The following USP54 variants were observed in gnomAD, a reference collection of about 807,000 sequenced individuals.
USP54 encodes ubiquitin carboxyl-terminal hydrolase 54.
USP54 carries 87 observed loss-of-function variants against 170.5 expected under a neutral mutation model. The ratio of observed to expected loss-of-function variants is 0.51; its 90% CI spans 0.43 to 0.61. The LOEUF is 0.61. Among genes scored for constraint, USP54 ranks in the 20% least tolerant of loss-of-function variants. The pLI is 0.00. For synonymous variants in USP54, 655 were observed against 742.8 expected, an observed-to-expected ratio of 0.88 and a Z score of 1.92; for missense variants, 1,786 against 2,047.8, an observed-to-expected ratio of 0.87 and a Z score of 2.47.
Position 73,571,905 on chromosome 10 carries a change from A to G in USP54, c.148-392T>C, listed in dbSNP as rs559670447. ...TGTGAACTGTAGAAATGTGAGCTGT[A>G]GTGTGGAATTTTATCTTTGTTAGGA... is the stretch of plus-strand genomic sequence containing the variant. On this transcript the variant is annotated intron_variant, in intron 3 of 23. Transcript: ENST00000687698. 2.0e-5 allele frequency among the ~76,000 whole-genome samples: 3 copies of G among 152,356 alleles called. No individual in the cohort carries two copies. In the South Asian group the frequency reaches 6.2e-4, roughly 32 times the overall value.
intron 20 of USP54, among the ~76,000 whole-genome samples, chr10:73,513,639 G>A (rs1487353670): frequency 1.3e-5 from 2 of 152,094 alleles, no homozygotes; most frequent in African/African-American, 2.4e-5. Context: ...TACATATAGT[G>A]TAAAGGATAC....
chr10:73,565,111 T>C (rs1446600784), intron 4 of USP54, among the ~76,000 whole-genome samples: 2 of 151,906 alleles, frequency 1.3e-5, no homozygotes, highest in Non-Finnish European at 2.9e-5. Context: ...GTAGCTTTGG[T>C]ACCTAAGTGA....
At chr10:73,571,799 C>A (rs541454660) in intron 3 of USP54, among the ~76,000 whole-genome samples, 2 of 151,974 alleles carry the variant, frequency 1.3e-5, no homozygotes, top group African/African-American at 2.4e-5. Context: ...AGGAAATTTA[C>A]GGGTTAAAGC....
intron 1 of USP54, among the ~76,000 whole-genome samples, chr10:73,601,459 A>G (rs571853186): frequency 1.3e-5 from 2 of 151,998 alleles, no homozygotes; most frequent in South Asian, 4.2e-4. Flanking sequence ...GTCACCTTCA[A>G]CCTGATACTC....
intron 15 of USP54, among the ~76,000 whole-genome samples, chr10:73,528,576 T>C (rs2063397207): frequency 6.6e-6 from 1 of 151,678 alleles, no homozygotes; most frequent in South Asian, 2.1e-4. Context: ...TTGTTTCTTT[T>C]TTTTTTTTTT....
intron 1 of USP54, chr10:73,624,398 G>A (rs950071232): frequency 2.2e-5 from 3 of 136,728 alleles, no homozygotes; most frequent in Non-Finnish European, 3.2e-5. Context: ...CGGGGGGGGG[G>A]GGTTTCACCA....
chr10:73,622,613 C>T (rs1290530876), intron 1 of USP54, among the ~76,000 whole-genome samples: 3 of 152,000 alleles, frequency 2.0e-5, no homozygotes, highest in Non-Finnish European at 4.4e-5. Flanking sequence ...CCTGAGCTAC[C>T]GTGCCTGGTC....
intron 4 of USP54, among the ~76,000 whole-genome samples, chr10:73,560,105 C>A (rs1346668148): frequency 6.6e-6 from 1 of 151,894 alleles, no homozygotes; most frequent in African/African-American, 2.4e-5. Context: ...TCTTATTAGC[C>A]TCATCAAACA....
intron 1 of USP54, among the ~76,000 whole-genome samples, chr10:73,600,910 A>G (rs2079119309): frequency 6.6e-6 from 1 of 152,146 alleles, no homozygotes. Context: ...GTGAAACTCT[A>G]TCTCAAAAAA....
intron 1 of USP54, among the ~76,000 whole-genome samples, chr10:73,583,437 C>A (rs192845169): frequency 1.3e-5 from 2 of 152,180 alleles, no homozygotes; most frequent in Non-Finnish European, 2.9e-5. Flanking sequence ...AGGCGCCTGC[C>A]ACCACGCCCA....
chr10:73,557,935 T>A (rs914697461), intron 4 of USP54, among the ~76,000 whole-genome samples: 36 of 138,828 alleles, frequency 2.6e-4, no homozygotes, highest in African/African-American at 9.5e-4. Flanking sequence ...CAGGCTGGAG[T>A]GCAGTGGCTC....
At chr10:73,552,200 A>G (rs1355872844) in intron 4 of USP54, among the ~76,000 whole-genome samples, 2 of 152,156 alleles carry the variant, frequency 1.3e-5, no homozygotes, top group African/African-American at 4.8e-5. Context: ...AGAGAGTTTA[A>G]TAATAGCATT....
intron 15 of USP54, among the ~76,000 whole-genome samples, chr10:73,527,571 T>C (rs2133373711): frequency 6.8e-6 from 1 of 148,074 alleles, no homozygotes; most frequent in African/African-American, 2.5e-5. Context: ...TGTATGGAGA[T>C]TTGAAAGTTA....
chr10:73,617,328 T>C (rs2132340548), intron 1 of USP54, among the ~76,000 whole-genome samples: 1 of 149,504 alleles, frequency 6.7e-6, no homozygotes, highest in South Asian at 2.1e-4. Flanking sequence ...CGGTGGCGCA[T>C]GCCTGTAATC....
chr10:73,584,607 G>A (rs75827860), intron 1 of USP54, among the ~76,000 whole-genome samples: 7 of 151,744 alleles, frequency 4.6e-5, no homozygotes, highest in East Asian at 1.9e-4. Flanking sequence ...AAATGATAGC[G>A]GTCTTGTTAG....
At chr10:73,607,676 C>CA (rs1224866881) in intron 1 of USP54, among the ~76,000 whole-genome samples, 3 of 151,442 alleles carry the variant, frequency 2.0e-5, no homozygotes, top group African/African-American at 7.3e-5. Context: ...ACTAAAAACG[C>CA]AAAAAATTTC....
chr10:73,542,737 A>C, intron 7 of USP54, 66 bp downstream of exon 7: 1 of 1,536,972 alleles, frequency 6.5e-7, no homozygotes, highest in Admixed American at 1.9e-5. Flanking sequence ...TCTCAAAAAA[A>C]AAAAAAAAAG....
At chr10:73,577,508 T>C (rs889317176) in intron 1 of USP54, among the ~76,000 whole-genome samples, 1 of 152,110 alleles carries the variant, frequency 6.6e-6, no homozygotes. Context: ...TCCGTCATAA[T>C]ATGACTACAT....
chr10:73,563,594 C>T (rs549862472), intron 4 of USP54, among the ~76,000 whole-genome samples: 2 of 152,072 alleles, frequency 1.3e-5, no homozygotes, highest in South Asian at 2.1e-4. Flanking sequence ...TGCACCACCA[C>T]GCCCAGCTAA....
Sources: gnomAD v4.1 joint callset for allele counts (sites outside exome capture counted in the v4.1 genomes callset) on GRCh38, gnomAD v4.1.1 for gene constraint, MANE v1.5 for transcripts, NCBI Gene and HGNC (gene_info 2026-07-23, HGNC 2026-07-21) for gene names.